The following DNAH17 variants were observed in gnomAD, a reference collection of about 807,000 sequenced individuals.
DNAH17 encodes axonemal beta dynein heavy chain 17.
DNAH17 carries 376 observed loss-of-function variants against 485.6 expected under a neutral mutation model. The ratio of observed to expected loss-of-function variants is 0.77; its 90% confidence interval spans 0.71 to 0.84. The LOEUF is 0.84. Ranked by LOEUF, DNAH17 falls within the 40% of genes least tolerant of loss-of-function variation. The probability of loss-of-function intolerance (pLI) is 0.00; values close to 1 mark genes in which losing one functional copy is unlikely to be tolerated. For missense variants in DNAH17, 6,370 were observed against 5,839.3 expected, an observed-to-expected ratio of 1.09 and a Z score of -2.96; for synonymous variants, 3,031 against 2,405.9, an observed-to-expected ratio of 1.26 and a Z score of -7.60.
intron 77 of DNAH17, among the ~76,000 whole-genome samples, chr17:78,427,622 C>T (rs2086521950): frequency 6.6e-6 from 1 of 152,204 alleles, no homozygotes; most frequent in Non-Finnish European, 1.5e-5. Context: ...AGAATTCAGT[C>T]TTTACCGGGA....
chr17:78,426,429 G>A, intron 79 of DNAH17, 28 bp downstream of exon 79: 1 of 1,568,122 alleles, frequency 6.4e-7, no homozygotes, highest in Non-Finnish European at 8.7e-7. Flanking sequence ...CGAGTCTTAG[G>A]AAGCCTCTCA....
intron 9 of DNAH17, among the ~76,000 whole-genome samples, chr17:78,568,808 T>C (rs1190011622): frequency 6.6e-6 from 1 of 152,220 alleles, no homozygotes; most frequent in Non-Finnish European, 1.5e-5. Flanking sequence ...CACATGGTGC[T>C]TGCACGGGGG....
chr17:78,428,761 A>G (rs1235523082), intron 76 of DNAH17, 54 bp from the exon 77 acceptor site: 6 of 1,596,510 alleles, frequency 3.8e-6, no homozygotes, highest in Non-Finnish European at 4.3e-6. Flanking sequence ...GCTGAAACCC[A>G]TGTCCTGTTG....
chr17:78,559,151 A>AG (rs1191877285), intron 13 of DNAH17, among the ~76,000 whole-genome samples: 1 of 152,164 alleles, frequency 6.6e-6, no homozygotes, highest in East Asian at 1.9e-4. Flanking sequence ...CCGCTGAATG[A>AG]GGTAATGAGA....
At position 78,454,553 on chromosome 17, in the gene DNAH17, G is replaced by T. The variant is rs555424618; in HGVS notation, c.10323C>A (p.Ile3441=). 1.2e-6 allele frequency: 2 copies of T among 1,612,814 alleles called. No homozygotes were observed. The highest frequency in any genetic ancestry group is 2.7e-5 in the African/African-American group (2 of 74,812). The change falls in exon 64 of 81, where the codon ATC becomes ATA. Residue 3441 remains isoleucine, a synonymous_variant. Coordinates refer to ENST00000389840, the MANE Select transcript of DNAH17 (RefSeq NM_173628.4). The part of the protein sequence containing the change: ...ILGNTERWPL[I]VDAQLQGIKW... ...TGATTCCTTGGAGCTGGGCGTCCAC[G>T]ATCAGCGGCCACCGCTCGGTGTTGC...
intron 1 of DNAH17, among the ~76,000 whole-genome samples, chr17:78,576,043 G>A (rs566790358): frequency 1.3e-5 from 2 of 152,268 alleles, no homozygotes; most frequent in African/African-American, 4.8e-5. Flanking sequence ...GAATTTCAAG[G>A]GGAACCCTGG....
Position 78,475,677 on chromosome 17 carries a change from T to C in DNAH17, c.8311A>G (p.Met2771Val). 6.2e-7 allele frequency: 1 copy of C among 1,613,722 alleles called. No individual in the cohort carries two copies. Among genetic ancestry groups the C allele is most frequent in the Non-Finnish European group, 8.5e-7 (1 of 1,179,784 alleles). ...LDSYNEVNAV[M>V]NLVLFEDAVA... The stretch of plus-strand genomic sequence containing the variant: ...AGCTCCAGCCTGCTCACCAAATTCA[T>C]GACTGCATTAACTTCATTGTAGCTG... Residue 2771 changes from methionine to valine, a missense_variant, in exon 53 of 81, where the codon ATG (methionine) becomes GTG (valine). Transcript: ENST00000389840.
rs770115599 is a variant in DNAH17, at chr17:78,492,771, G to A, written c.6409-6C>T. 7.0e-5 allele frequency: 112 copies of A among 1,609,342 alleles called. 1 individual carries two copies. Among genetic ancestry groups the A allele is most frequent in the Middle Eastern group, 1.6e-4 (1 of 6,078 alleles). On this transcript the variant is annotated splice_polypyrimidine_tract_variant and splice_region_variant and intron_variant, in intron 41 of 80. Transcript: ENST00000389840. ...TTGTTGAGGGATTTGAGGACCTGGC[G>A]AAGGTGGGGGTCACTCACGTGTGAC...
chr17:78,502,506 C>T, intron 33 of DNAH17, 85 bp downstream of exon 33: 1 of 1,289,692 alleles, frequency 7.8e-7, no homozygotes, highest in Non-Finnish European at 1.0e-6. Flanking sequence ...ACTCGCCCGG[C>T]AGGTTTCAGA....
At chr17:78,473,241 C>A (rs74001351) in intron 54 of DNAH17, among the ~76,000 whole-genome samples, 3 of 151,986 alleles carry the variant, frequency 2.0e-5, no homozygotes, top group African/African-American at 7.3e-5. Context: ...TCCACAGAAG[C>A]GGCTTAAGAA....
intron 68 of DNAH17, 116 bp downstream of exon 68, chr17:78,450,138 C>T (rs1598467944): frequency 7.8e-7 from 1 of 1,277,338 alleles, no homozygotes; most frequent in Non-Finnish European, 1.1e-6. Flanking sequence ...ACCAGGTCTG[C>T]CCTCTGAGGG....
At chr17:78,476,319 ACC>A (rs2089017098) in intron 52 of DNAH17, among the ~76,000 whole-genome samples, 1 of 89,752 alleles carries the variant, frequency 1.1e-5, no homozygotes. Flanking sequence ...ATCACGTGGA[ACC>A]CTCGGACCCA....
chr17:78,509,883 AG>A (rs1397178303), intron 27 of DNAH17, among the ~76,000 whole-genome samples: 1 of 152,218 alleles, frequency 6.6e-6, no homozygotes, highest in East Asian at 1.9e-4. Context: ...GGGTTTTCTA[AG>A]AAAAATTCCA....
At position 78,503,340 on chromosome 17, in the gene DNAH17, C is replaced by T. The variant is rs555576739; in HGVS notation, c.4957-329G>A. ...GACTACAGGCGCCCGCCCCCACTCC[C>T]GGCATTTTTTTTTTTTTTGTATTTT... On this transcript the variant is annotated intron_variant, in intron 31 of 80. Coordinates refer to ENST00000389840, the MANE Select transcript of DNAH17 (RefSeq NM_173628.4). Among the ~76,000 whole-genome samples, 667 of 73,602 alleles carry T rather than the reference C, an allele frequency of 9.1e-3. 5 individuals carry two copies. The highest frequency in any genetic ancestry group is 0.018 in the Middle Eastern group (3 of 170). The allele number at this position is 73,602 out of a possible 152,430, so 48.3% of individuals were successfully genotyped here. A position where few individuals can be genotyped will look rare whatever the true frequency, so the allele number is the denominator to read the frequency against.
intron 76 of DNAH17, 52 bp downstream of exon 76, chr17:78,429,069 G>C (rs1388639940): frequency 6.4e-7 from 1 of 1,571,106 alleles, no homozygotes; most frequent in Non-Finnish European, 8.7e-7. Flanking sequence ...GCTCTCACCG[G>C]GAGGCACGAG....
rs1396700670 is a variant in DNAH17, at chr17:78,558,205, T to G, written c.2081A>C (p.Lys694Thr). 2 of 1,613,734 alleles carry G rather than the reference T, an allele frequency of 1.2e-6. No homozygotes were observed. The highest frequency in any genetic ancestry group is 1.7e-6 in the Non-Finnish European group (2 of 1,179,826). Residue 694 changes from lysine to threonine, a missense_variant, in exon 14 of 81, where the codon AAA becomes ACA. Physicochemically the swap from Lys to Thr is moderately conservative, Grantham distance 78 (BLOSUM62 -1). Coordinates refer to ENST00000389840, the MANE Select transcript of DNAH17 (RefSeq NM_173628.4). Reference sequence around the variant, plus strand: ...ACTCTCCGCACTGTCTGGAATCTCTTTCTGTTGCTGGAAATTCAAATACTT... The same window carrying G: ...ACTCTCCGCACTGTCTGGAATCTCTGTCTGTTGCTGGAAATTCAAATACTT... ...EVKYLNFQQQKEIPDSAESLF... is the reference protein window; with the variant it reads ...EVKYLNFQQQTEIPDSAESLF...
chr17:78,456,096 C>G (rs571439865), intron 62 of DNAH17, among the ~76,000 whole-genome samples: 3 of 151,992 alleles, frequency 2.0e-5, no homozygotes, highest in Non-Finnish European at 2.9e-5. Flanking sequence ...GTCAGGGGGT[C>G]GATACCAGCC....
Position 78,434,073 on chromosome 17 carries a change from T to C in DNAH17, c.12181A>G (p.Ile4061Val). The change falls in exon 75 of 81, where the codon ATC (isoleucine) becomes GTC (valine). Residue 4061 changes from isoleucine to valine, a missense_variant. Ile to Val is a conservative substitution (Grantham distance 29). Transcript: ENST00000389840. ...SYPFNNGDLTISINVLYNYLE... is the reference protein window; with the variant it reads ...SYPFNNGDLTVSINVLYNYLE... Reference sequence around the variant, plus strand: ...TAGTTGTAGAGCACGTTGATGGAGATGGTGAGGTCCCCGTTGTTGAAGGGG... The same window carrying C: ...TAGTTGTAGAGCACGTTGATGGAGACGGTGAGGTCCCCGTTGTTGAAGGGG... The C allele has an allele frequency of 1.9e-6, 3 of 1,613,422 alleles. No homozygotes were observed. The highest frequency in any genetic ancestry group is 1.1e-5 in the South Asian group (1 of 91,066).
In DNAH17 at chr17:78,449,443, G is replaced by T; in HGVS notation, c.11182C>A (p.Leu3728Ile). ...TARGLFERDKLIFLAQVTFQV... is the reference protein window; with the variant it reads ...TARGLFERDKIIFLAQVTFQV... ...AACGTAACTTGTGCCAGGAAAATGA[G>T]TTTGTCCCTCTCGAAGAGTCCCCGG... Residue 3728 changes from leucine to isoleucine, a missense_variant, in exon 69 of 81, where the codon CTC (leucine) becomes ATC (isoleucine). By Grantham distance (5) the Leu-to-Ile change is conservative. Coordinates refer to ENST00000389840, the MANE Select transcript of DNAH17 (RefSeq NM_173628.4). 6.4e-7 allele frequency: 1 copy of T among 1,551,700 alleles called. No individual in the cohort carries two copies. The highest frequency in any genetic ancestry group is 8.7e-7 in the Non-Finnish European group (1 of 1,147,024).
Sources: gnomAD v4.1 joint callset for allele counts (sites outside exome capture counted in the v4.1 genomes callset) on GRCh38, gnomAD v4.1.1 for gene constraint, MANE v1.5 for transcripts, NCBI Gene and HGNC (gene_info 2026-07-23, HGNC 2026-07-21) for gene names.